Variants in LGALS16 observed in about 807,000 individuals in gnomAD.
The protein encoded by LGALS16 is galectin 16.
Under a neutral mutation model 13.2 loss-of-function variants are expected in LGALS16, and 15 were observed. That is an observed-to-expected ratio of 1.13 (90% CI 0.76 to 1.75). The LOEUF (loss-of-function observed/expected upper bound fraction) is 1.75, where lower values mean the gene tolerates loss of function less well. Among genes scored for constraint, LGALS16 ranks in the 40% most tolerant of loss-of-function variants. The pLI is 0.00. For synonymous variants in LGALS16, 66 were observed against 65.4 expected (o/e 1.01, Z -0.05); for missense variants, 198 against 178.4 (o/e 1.11, Z -0.63).
At chr19:39,656,210 G>A (rs114129039) in intron 1 of LGALS16, among the ~76,000 whole-genome samples, 1,758 of 152,292 alleles carry the variant, frequency 0.012, 31 homozygotes, top group African/African-American at 0.04. Flanking sequence ...TCTGATGAGA[G>A]TGAACTCTGA....
Position 39,660,575 on chromosome 19 carries a change from G to C in LGALS16, c.*55G>C. The C allele has an allele frequency of 2.0e-6, 3 of 1,478,430 alleles. No homozygotes were observed. Among genetic ancestry groups the C allele is most frequent in the Admixed American group, 1.9e-5 (1 of 51,674 alleles). The allele number at this position is 1,478,430 out of a possible 1,614,324, so 91.6% of individuals were successfully genotyped here. On this transcript the variant is annotated 3_prime_UTR_variant, in exon 4 of 4. Coordinates refer to ENST00000392051, the MANE Select transcript of LGALS16 (RefSeq NM_001190441.3). ...TTTCTACCTGACCATGGGATTCCTAGAGCCTGCTAACAGAATAATCCCTCC... is the reference window on the plus strand; with the variant it reads ...TTTCTACCTGACCATGGGATTCCTACAGCCTGCTAACAGAATAATCCCTCC...
At chr19:39,658,937 T>C (rs190030391) in intron 3 of LGALS16, among the ~76,000 whole-genome samples, 78 of 152,312 alleles carry the variant, frequency 5.1e-4, no homozygotes, top group Admixed American at 1.2e-3. Context: ...TTTCTACTTA[T>C]GCCATTATTT....
At chr19:39,659,048 C>T (rs1973230565) in intron 3 of LGALS16, among the ~76,000 whole-genome samples, 1 of 151,894 alleles carries the variant, frequency 6.6e-6, no homozygotes, top group Non-Finnish European at 1.5e-5. Context: ...CCCAATTCTA[C>T]TCATACGAAT....
At chr19:39,656,926 A>G (rs966964565) in intron 1 of LGALS16, among the ~76,000 whole-genome samples, 1 of 151,852 alleles carries the variant, frequency 6.6e-6, no homozygotes, top group Non-Finnish European at 1.5e-5. Context: ...CCCATGAAGG[A>G]ACAAGTCTAG....
At position 39,657,977 on chromosome 19, in the gene LGALS16, C is replaced by G. The variant is rs763145350; in HGVS notation, c.92+18C>G. On this transcript the variant is annotated intron_variant, in intron 2 of 3. Coordinates refer to ENST00000392051, the MANE Select transcript of LGALS16 (RefSeq NM_001190441.3). ...TCTTCTATGTGAGTACTCCATGGTC[C>G]AATGGAGGGGGTGGAGGAGAAAGGA... 7 of 1,612,580 alleles carry G rather than the reference C, an allele frequency of 4.3e-6. No homozygotes were observed. Among genetic ancestry groups the G allele is most frequent in the Non-Finnish European group, 5.9e-6 (7 of 1,179,118 alleles).
chr19:39,656,058 T>C, intron 1 of LGALS16, 82 bp downstream of exon 1: 1 of 1,419,502 alleles, frequency 7.0e-7, no homozygotes, highest in Non-Finnish European at 9.8e-7. Flanking sequence ...GAGATGAAAA[T>C]ATGAGCATTC....
intron 3 of LGALS16, among the ~76,000 whole-genome samples, chr19:39,659,407 G>A (rs1417782427): frequency 6.6e-6 from 1 of 152,140 alleles, no homozygotes; most frequent in African/African-American, 2.4e-5. Context: ...GCCTATGGAA[G>A]CATATAGATA....
rs1342263984 is a variant in LGALS16 at position 39,657,916 on chromosome 19, G to C, written c.49G>C (p.Gly17Arg). The change falls in exon 2 of 4, where the codon GGT becomes CGT. Residue 17 changes from glycine (G) to arginine (R), a missense_variant. Gly to Arg is a moderately radical substitution (Grantham distance 125). Coordinates refer to ENST00000392051, the MANE Select transcript of LGALS16 (RefSeq NM_001190441.3). Reference protein sequence around the residue: ...PYKLPVSLSVGSCVIIKGTLI... With the variant: ...PYKLPVSLSVRSCVIIKGTLI... ...CAAACTGCCTGTGTCTTTGTCTGTT[G>C]GTTCCTGCGTGATAATCAAAGGGAC... 5 of 1,614,030 alleles carry C rather than the reference G, an allele frequency of 3.1e-6. No individual in the cohort carries two copies. In the African/African-American group the frequency reaches 6.7e-5, roughly 22 times the overall value.
intron 2 of LGALS16, 128 bp from the exon 3 acceptor site, chr19:39,658,332 A>G: frequency 1.3e-6 from 1 of 793,976 alleles, no homozygotes; most frequent in Non-Finnish European, 2.1e-6. Flanking sequence ...CCCCACAGGG[A>G]CCAGGCCTGC....
At chr19:39,659,268 A>T (rs1973233686) in intron 3 of LGALS16, among the ~76,000 whole-genome samples, 1 of 151,882 alleles carries the variant, frequency 6.6e-6, no homozygotes, top group African/African-American at 2.4e-5. Flanking sequence ...TTTAGTAGAG[A>T]CGGGGTTTCA....
At position 39,660,484 on chromosome 19, in the gene LGALS16, C is replaced by T. The variant is rs148828240; in HGVS notation, c.393C>T (p.Ser131=). The T allele has an allele frequency of 4.5e-6, 7 of 1,543,222 alleles. No homozygotes were observed. In the East Asian group the frequency reaches 1.2e-4, roughly 27 times the overall value. Residue 131 remains serine, a synonymous_variant, in exon 4 of 4, where the codon TCC becomes TCT. Coordinates refer to ENST00000392051, the MANE Select transcript of LGALS16 (RefSeq NM_001190441.3). ...VKMIQVWRDV[S]LDSVLVNNGR... ...TGATTCAAGTGTGGAGAGATGTCTC[C>T]CTGGACTCAGTGCTTGTCAACAATG...
At chr19:39,656,293 G>T (rs1310274402) in intron 1 of LGALS16, among the ~76,000 whole-genome samples, 1 of 152,122 alleles carries the variant, frequency 6.6e-6, no homozygotes, top group East Asian at 1.9e-4. Context: ...AGTGTAAGGG[G>T]GGTGATTGTA....
At chr19:39,658,403 A>C in intron 2 of LGALS16, 57 bp from the exon 3 acceptor site, 1 of 1,371,996 alleles carries the variant, frequency 7.3e-7, no homozygotes, top group Non-Finnish European at 1.0e-6. Flanking sequence ...GTGCGTGTCA[A>C]GTGTGTGTCT....
chr19:39,657,209 G>A (rs1252529665), intron 1 of LGALS16, among the ~76,000 whole-genome samples: 1 of 152,150 alleles, frequency 6.6e-6, no homozygotes, highest in Non-Finnish European at 1.5e-5. Flanking sequence ...ACGTTTCAAT[G>A]AGCTATGATC....
chr19:39,657,875 C>A lies in LGALS16; in HGVS notation c.16-8C>A, dbSNP rs770376244. 6.2e-7 allele frequency: 1 copy of A among 1,613,330 alleles called. No individual in the cohort carries two copies. The highest frequency in any genetic ancestry group is 8.5e-7 in the Non-Finnish European group (1 of 1,179,970). ...TGCACCTCTCACTTATTCTCAATACCCTGGCAGGTGCCATACAAACTGCCT... is the reference window on the plus strand; with the variant it reads ...TGCACCTCTCACTTATTCTCAATACACTGGCAGGTGCCATACAAACTGCCT... On this transcript the variant is annotated splice_region_variant and splice_polypyrimidine_tract_variant and intron_variant, in intron 1 of 3. Transcript: ENST00000392051.
rs1348565362 is a variant in LGALS16 at position 39,657,933 on chromosome 19, C to T, written c.66C>T (p.Ile22=). ...TGTCTGTTGGTTCCTGCGTGATAAT[C>T]AAAGGGACACTGATCGACTCTTCTA... The part of the protein sequence containing the change: ...VSLSVGSCVI[I]KGTLIDSSIN... The change falls in exon 2 of 4, where the codon ATC becomes ATT. Residue 22 remains isoleucine (I), a synonymous_variant. Transcript: ENST00000392051. 8 of 1,613,880 alleles carry T rather than the reference C, an allele frequency of 5.0e-6. No homozygotes were observed. The highest frequency in any genetic ancestry group is 6.8e-6 in the Non-Finnish European group (8 of 1,180,000).
chr19:39,658,690 G>C lies in LGALS16; in HGVS notation c.303+20G>C, dbSNP rs997104. 545,418 of 1,485,260 alleles carry C rather than the reference G, an allele frequency of 0.37. 101,767 individuals carry two copies. Among genetic ancestry groups the C allele is most frequent in the Admixed American group, 0.61 (31,471 of 51,728 alleles). The allele number at this position is 1,485,260 out of a possible 1,614,324, so 92.0% of individuals were successfully genotyped here. ...TATGAGGTGAGCACCCCAGGAGCTC[G>C]CAGTACCCAGGCTCTTTGGGATCCC... is the stretch of plus-strand genomic sequence containing the variant. On this transcript the variant is annotated intron_variant, in intron 3 of 3. Transcript: ENST00000392051.
chr19:39,657,137 CT>C (rs1275236448), intron 1 of LGALS16, among the ~76,000 whole-genome samples: 1 of 152,096 alleles, frequency 6.6e-6, no homozygotes, highest in African/African-American at 2.4e-5. Flanking sequence ...TGGCAGGCAC[CT>C]TTTGCCCCAG....
chr19:39,656,280 G>T (rs1277472469), intron 1 of LGALS16, among the ~76,000 whole-genome samples: 2 of 152,180 alleles, frequency 1.3e-5, no homozygotes, highest in African/African-American at 2.4e-5. Flanking sequence ...AGGTGTTTGT[G>T]TGAGTGTAAG....
Sources: gnomAD v4.1 joint callset for allele counts (sites outside exome capture counted in the v4.1 genomes callset) on GRCh38, gnomAD v4.1.1 for gene constraint, MANE v1.5 for transcripts, NCBI Gene and HGNC (gene_info 2026-07-23, HGNC 2026-07-21) for gene names.